The following ATG5 variants were observed in gnomAD, a reference collection of about 807,000 sequenced individuals.
ATG5 encodes the protein autophagy protein 5.
Under a neutral mutation model 36.5 loss-of-function variants are expected in ATG5, and 14 were observed. The ratio of observed to expected loss-of-function variants is 0.38; its 90% CI spans 0.25 to 0.60. The LOEUF is 0.60. Among genes scored for constraint, ATG5 ranks in the 20% least tolerant of loss-of-function variants. The probability of loss-of-function intolerance (pLI) is 0.60; values close to 1 mark genes in which losing one functional copy is unlikely to be tolerated. For synonymous variants in ATG5, 95 were observed against 101.5 expected (o/e 0.94, Z 0.38); for missense variants, 195 against 326.7 (o/e 0.60, Z 3.11).
At chr6:106,314,787 A>G (rs761646243) in intron 2 of ATG5, among the ~76,000 whole-genome samples, 45 of 152,316 alleles carry the variant, frequency 3.0e-4, no homozygotes, top group Non-Finnish European at 5.7e-4. Context: ...CCTCTAACAA[A>G]TGAAATTCTT....
intron 6 of ATG5, among the ~76,000 whole-genome samples, chr6:106,243,694 G>C (rs1052488989): frequency 6.6e-6 from 1 of 151,846 alleles, no homozygotes; most frequent in Non-Finnish European, 1.5e-5. Flanking sequence ...AGCCAGGCAT[G>C]GTGGTGGGCA....
chr6:106,246,755 T>G lies in ATG5; in HGVS notation c.573+1395A>C, dbSNP rs1404088715. Among the ~76,000 whole-genome samples, 4 of 152,236 alleles carry G rather than the reference T, an allele frequency of 2.6e-5. No homozygotes were observed. The East Asian group carries it at 7.7e-4, about 29-fold the overall frequency. ...AATGTCTTCAGAGTCTGCGATATAT[T>G]TTCTTCAACTAAATTATACAAGTAA... On this transcript the variant is annotated intron_variant, in intron 6 of 7. Transcript: ENST00000369076.
At chr6:106,241,015 T>C (rs1778104278) in intron 6 of ATG5, among the ~76,000 whole-genome samples, 1 of 152,118 alleles carries the variant, frequency 6.6e-6, no homozygotes, top group Non-Finnish European at 1.5e-5. Flanking sequence ...TAGTCGGGCA[T>C]GGTGGTGGGC....
intron 5 of ATG5, among the ~76,000 whole-genome samples, chr6:106,265,367 T>C (rs1250549133): frequency 1.3e-5 from 2 of 152,056 alleles, no homozygotes; most frequent in South Asian, 2.1e-4. Context: ...TTCTTCAAGA[T>C]CTACGAAGAG....
chr6:106,194,716 T>C (rs1444053342), intron 7 of ATG5, among the ~76,000 whole-genome samples: 4 of 152,096 alleles, frequency 2.6e-5, no homozygotes, highest in Non-Finnish European at 4.4e-5. Flanking sequence ...TTTGTACTTT[T>C]AGTAGAGACG....
chr6:106,205,982 TAA>T (rs1253191203), intron 6 of ATG5, among the ~76,000 whole-genome samples: 6 of 152,220 alleles, frequency 3.9e-5, no homozygotes, highest in Non-Finnish European at 8.8e-5. Flanking sequence ...TTCTTATTCT[TAA>T]AAATTTAGTG....
intron 6 of ATG5, among the ~76,000 whole-genome samples, chr6:106,219,674 C>A (rs1057350179): frequency 1.3e-5 from 2 of 152,042 alleles, no homozygotes; most frequent in African/African-American, 4.8e-5. Context: ...ATTTGGTAAC[C>A]CAGGGAGGTC....
chr6:106,259,279 T>C lies in ATG5; in HGVS notation c.479-11035A>G, dbSNP rs375141924. Among the ~76,000 whole-genome samples the C allele has an allele frequency of 2.0e-5, 3 of 152,348 alleles. No individual in the cohort carries two copies. In the East Asian group the frequency reaches 5.8e-4, roughly 29 times the overall value. On this transcript the variant is annotated intron_variant, in intron 5 of 7. Coordinates refer to ENST00000369076, the MANE Select transcript of ATG5 (RefSeq NM_004849.4). ...GGACTAAATATTATTGTTTTAAATG[T>C]ATCCCATAACTTTTAGGGATACGTG...
intron 6 of ATG5, among the ~76,000 whole-genome samples, chr6:106,231,933 A>G (rs1023984029): frequency 3.3e-5 from 5 of 152,216 alleles, no homozygotes; most frequent in Non-Finnish European, 7.3e-5. Context: ...AATGCCTAAT[A>G]GGGTTTGCTT....
At chr6:106,323,746 G>A (rs1364367905) in intron 1 of ATG5, among the ~76,000 whole-genome samples, 1 of 152,112 alleles carries the variant, frequency 6.6e-6, no homozygotes, top group Non-Finnish European at 1.5e-5. Flanking sequence ...GCTGCATACA[G>A]TCAACATAGC....
intron 7 of ATG5, among the ~76,000 whole-genome samples, chr6:106,191,176 T>C (rs775488927): frequency 2.0e-5 from 3 of 152,202 alleles, no homozygotes; most frequent in Non-Finnish European, 4.4e-5. Context: ...ACTTTCTGAA[T>C]CAATTTCTGG....
At chr6:106,197,638 C>T in intron 7 of ATG5, among the ~76,000 whole-genome samples, 1 of 152,018 alleles carries the variant, frequency 6.6e-6, no homozygotes, top group Non-Finnish European at 1.5e-5. Context: ...TATAAAAAGC[C>T]TGGCACCACC....
At chr6:106,281,265 T>G (rs1404007564) in intron 4 of ATG5, among the ~76,000 whole-genome samples, 1 of 152,174 alleles carries the variant, frequency 6.6e-6, no homozygotes, top group Non-Finnish European at 1.5e-5. Flanking sequence ...TTAAATGAGT[T>G]TTGACAATGA....
chr6:106,311,952 T>C (rs1438176285), intron 2 of ATG5, among the ~76,000 whole-genome samples: 1 of 151,936 alleles, frequency 6.6e-6, no homozygotes, highest in East Asian at 1.9e-4. Flanking sequence ...TGCCTCAGTC[T>C]CCCAGGTAGC....
chr6:106,249,892 T>G (rs751695582), intron 5 of ATG5, among the ~76,000 whole-genome samples: 6 of 152,228 alleles, frequency 3.9e-5, no homozygotes, highest in Non-Finnish European at 7.3e-5. Context: ...TCAATGGCCA[T>G]TTGTGCATCT....
At chr6:106,190,671 G>A (rs558555379) in intron 7 of ATG5, among the ~76,000 whole-genome samples, 1 of 151,736 alleles carries the variant, frequency 6.6e-6, no homozygotes, top group South Asian at 2.1e-4. Flanking sequence ...TAAAAAAAAA[G>A]TTACGTTTTA....
chr6:106,260,538 T>C (rs1778978617), intron 5 of ATG5, among the ~76,000 whole-genome samples: 1 of 152,176 alleles, frequency 6.6e-6, no homozygotes, highest in Non-Finnish European at 1.5e-5. Flanking sequence ...CATGCTTTAT[T>C]TTAGATGAAC....
intron 6 of ATG5, among the ~76,000 whole-genome samples, chr6:106,228,562 A>G (rs1262250340): frequency 2.0e-5 from 3 of 152,090 alleles, no homozygotes; most frequent in African/African-American, 2.4e-5. Flanking sequence ...CAGGTCAGAG[A>G]ACACGAGGCT....
chr6:106,229,561 AAAAAAAACAGTGTGCCCTATTCCTTT>A (rs1389130638), intron 6 of ATG5, among the ~76,000 whole-genome samples: 1 of 150,436 alleles, frequency 6.6e-6, no homozygotes, highest in Non-Finnish European at 1.5e-5. Context: ...AGAAATAGTA[AAAAAAAACAGTGTGCCCTATTCCTTT>A]AAAAGCCAGG....
Sources: allele counts gnomAD v4.1 joint callset (sites outside exome capture counted in the v4.1 genomes callset), GRCh38; gene constraint gnomAD v4.1.1; transcripts MANE v1.5; gene names NCBI Gene and HGNC (gene_info 2026-07-23, HGNC 2026-07-21).